Variants in E4F1 observed in about 807,000 individuals in gnomAD.
E4F1 encodes the protein E4F transcription factor 1, also known as transcription factor E4F1.
E4F1 carries 30 observed loss-of-function variants against 72.9 expected under a neutral mutation model. The observed-to-expected ratio is 0.41, with a 90% CI of 0.31 to 0.56. E4F1 has a LOEUF of 0.56. Among genes scored for constraint, E4F1 ranks in the 20% least tolerant of loss-of-function variants. The probability of loss-of-function intolerance (pLI) is 0.25; values close to 1 mark genes in which losing one functional copy is unlikely to be tolerated. For synonymous variants in E4F1, 542 were observed against 478.2 expected (o/e 1.13, Z -1.74); for missense variants, 1,091 against 1,117.5 (o/e 0.98, Z 0.34).
intron 1 of E4F1, 119 bp from the exon 2 acceptor site, chr16:2,228,253 G>C: frequency 7.4e-6 from 10 of 1,346,688 alleles, no homozygotes; most frequent in Non-Finnish European, 1.0e-5. Context: ...TGGGGAAGTA[G>C]CTCTGCTTCT....
At chr16:2,235,040 G>A in intron 12 of E4F1, 39 bp downstream of exon 12, 1 of 1,611,782 alleles carries the variant, frequency 6.2e-7, no homozygotes, top group Non-Finnish European at 8.5e-7. Flanking sequence ...GGACCCAGGG[G>A]CAGCCAAGGC....
chr16:2,235,266 C>A lies in E4F1; in HGVS notation c.2049C>A (p.Ser683Arg), dbSNP rs376804356. Reference sequence around the variant, plus strand: ...TGCAGCAGATCGTGCACCAGGCTAGCGCCGGCCACCAGATCATCGTGCAGA... The same window carrying A: ...TGCAGCAGATCGTGCACCAGGCTAGAGCCGGCCACCAGATCATCGTGCAGA... Reference protein sequence around the residue: ...KVVQQIVHQASAGHQIIVQNV... With the variant: ...KVVQQIVHQARAGHQIIVQNV... Residue 683 changes from serine (S) to arginine (R), a missense_variant, in exon 14 of 14, where the codon AGC (serine) becomes AGA (arginine). Ser to Arg is a moderately radical substitution (Grantham distance 110, BLOSUM62 -1). Around this residue, in one of 5 missense-constraint regions of E4F1, gnomAD observed 622 missense variants for 628.0 expected, o/e 0.99. Coordinates refer to ENST00000301727, the MANE Select transcript of E4F1 (RefSeq NM_004424.5). The A allele has an allele frequency of 3.1e-6, 5 of 1,610,974 alleles. No homozygotes were observed. The African/African-American group carries it at 6.7e-5, about 21-fold the overall frequency.
In E4F1 at chr16:2,234,326, C is replaced by T. The variant is rs144836270; in HGVS notation, c.1531C>T (p.Arg511Cys). ...CATTGCCCATGTGCGTGGCCACCGG[C>T]GCGTCCACTCAGACGAGCGGCCCTA... Reference protein sequence around the residue: ...KTIAHVRGHRRVHSDERPYPC... With the variant: ...KTIAHVRGHRCVHSDERPYPC... Residue 511 changes from arginine to cysteine, a missense_variant, in exon 10 of 14, where the codon CGC becomes TGC. Arg to Cys is a radical substitution (Grantham distance 180). This residue lies in a region of E4F1 where 622 missense variants were observed against 628.0 expected (regional missense o/e 0.99). Transcript: ENST00000301727. The T allele has an allele frequency of 1.2e-6, 2 of 1,612,876 alleles. No homozygotes were observed. The highest frequency in any genetic ancestry group is 1.7e-5 in the Admixed American group (1 of 60,014).
At chr16:2,228,785 C>T (rs983215504) in intron 2 of E4F1, among the ~76,000 whole-genome samples, 1 of 152,218 alleles carries the variant, frequency 6.6e-6, no homozygotes, top group Non-Finnish European at 1.5e-5. Context: ...TCTCTTCTTT[C>T]TTGGAGCTGG....
intron 3 of E4F1, 65 bp from the exon 4 acceptor site, chr16:2,232,106 C>T: frequency 1.9e-6 from 3 of 1,585,814 alleles, no homozygotes; most frequent in Non-Finnish European, 1.7e-6. Flanking sequence ...CCCCTGGAGC[C>T]AGCAGTCTCT....
At chr16:2,233,836 G>A in intron 8 of E4F1, 46 bp from the exon 9 acceptor site, 1 of 1,517,962 alleles carries the variant, frequency 6.6e-7, no homozygotes, top group Non-Finnish European at 8.9e-7. Flanking sequence ...GTACTGCCAG[G>A]GCACAGCCTG....
rs1209592563 is a variant in E4F1 at position 2,235,514 on chromosome 16, G to A, written c.2297G>A (p.Gly766Asp). Residue 766 changes from glycine to aspartate, a missense_variant, in exon 14 of 14, where the codon GGC becomes GAC. Gly to Asp is a moderately conservative substitution (Grantham distance 94). This residue lies in a region of E4F1 where 622 missense variants were observed against 628.0 expected (regional missense o/e 0.99). Transcript: ENST00000301727. ...SEDIEILEHAGELVIASPEGQ... is the reference protein window; with the variant it reads ...SEDIEILEHADELVIASPEGQ... ...GACATCGAGATCCTGGAGCATGCAG[G>A]CGAGCTGGTCATCGCCTCGCCGGAG... 1 of 1,608,100 alleles carries A rather than the reference G, an allele frequency of 6.2e-7. No individual in the cohort carries two copies. The highest frequency in any genetic ancestry group is 8.5e-7 in the Non-Finnish European group (1 of 1,176,474).
At chr16:2,232,659 T>G in intron 5 of E4F1, 83 bp downstream of exon 5, 1 of 1,605,236 alleles carries the variant, frequency 6.2e-7, no homozygotes, top group Admixed American at 1.7e-5. Flanking sequence ...ATTCCCCAGC[T>G]TTGGGGGATG....
chr16:2,228,468 C>A lies in E4F1; in HGVS notation c.254C>A (p.Ala85Asp). The change falls in exon 2 of 14, where the codon GCC becomes GAC. Residue 85 changes from alanine to aspartate, a missense_variant. Physicochemically the swap from Ala to Asp is moderately radical, Grantham distance 126 (BLOSUM62 -2). Coordinates refer to ENST00000301727, the MANE Select transcript of E4F1 (RefSeq NM_004424.5). ...AAGATTCAGAAGGCCTGCCAGCGGG[C>A]CCCTCCGGAGGCCCTGCCTGCCACC... ...QHKIQKACQR[A>D]PPEALPATPA... 6.2e-7 allele frequency: 1 copy of A among 1,613,164 alleles called. No homozygotes were observed. The highest frequency in any genetic ancestry group is 8.5e-7 in the Non-Finnish European group (1 of 1,179,976).
chr16:2,233,318 A>C (rs534827168), intron 7 of E4F1, 120 bp from the exon 8 acceptor site: 1 of 1,431,238 alleles, frequency 7.0e-7, no homozygotes. Context: ...GAGCAGGGCC[A>C]GTGGGAGCGC....
At position 2,234,152 on chromosome 16, in the gene E4F1, A is replaced by G. The variant is rs746462506; in HGVS notation, c.1376-19A>G. 6.2e-7 allele frequency: 1 copy of G among 1,609,630 alleles called. No homozygotes were observed. Among genetic ancestry groups the G allele is most frequent in the Non-Finnish European group, 8.5e-7 (1 of 1,178,942 alleles). On this transcript the variant is annotated intron_variant, in intron 9 of 13. Coordinates refer to ENST00000301727, the MANE Select transcript of E4F1 (RefSeq NM_004424.5). The stretch of plus-strand genomic sequence containing the variant: ...GCCCGCGGGTGATGGGCTTGGCCTG[A>G]TGCTGTGTGTGGCTGCAGGGCCGAG...
chr16:2,233,117 C>G lies in E4F1; in HGVS notation c.990C>G (p.Thr330=). The change falls in exon 7 of 14, where the codon ACC becomes ACG. Residue 330 remains threonine, a synonymous_variant. Transcript: ENST00000301727. Reference sequence around the variant, plus strand: ...ACCTGGTGACAGATGCCAAGGGCACCGTCATCCACGAAGTCCACGTCCAGA... The same window carrying G: ...ACCTGGTGACAGATGCCAAGGGCACGGTCATCCACGAAGTCCACGTCCAGA... ...VIHLVTDAKG[T]VIHEVHVQMQ... The G allele has an allele frequency of 6.2e-7, 1 of 1,612,398 alleles. No homozygotes were observed. The highest frequency in any genetic ancestry group is 8.5e-7 in the Non-Finnish European group (1 of 1,179,368).
At chr16:2,228,771 G>A (rs140659034) in intron 2 of E4F1, among the ~76,000 whole-genome samples, 129 of 152,318 alleles carry the variant, frequency 8.5e-4, no homozygotes, top group Middle Eastern at 3.4e-3. Context: ...GTTGGGGGCC[G>A]GGATCTCTTC....
intron 2 of E4F1, among the ~76,000 whole-genome samples, chr16:2,229,105 G>A (rs753622918): frequency 1.5e-4 from 23 of 152,234 alleles, no homozygotes; most frequent in Non-Finnish European, 2.9e-4. Context: ...GCTGGACCCT[G>A]GACACCCCAC....
rs1328497872 is a variant in E4F1 at position 2,223,766 on chromosome 16, G to C, written c.153G>C (p.Glu51Asp). The change falls in exon 1 of 14, where the codon GAG (glutamate) becomes GAC (aspartate). Residue 51 changes from glutamate (E) to aspartate (D), a missense_variant. Glu to Asp is a conservative substitution (Grantham distance 45, BLOSUM62 2). This residue lies in a region of E4F1 where 362 missense variants were observed against 358.6 expected (regional missense o/e 1.01). Coordinates refer to ENST00000301727, the MANE Select transcript of E4F1 (RefSeq NM_004424.5). ...GFLGLPAPFS[E>D]EDEDDVHRCG... ...TCGGCCTCCCGGCGCCCTTCAGCGA[G>C]GAAGGTAACCGGGCCGACCCGGAGG... 5.3e-5 allele frequency: 82 copies of C among 1,536,148 alleles called. No individual in the cohort carries two copies. Among genetic ancestry groups the C allele is most frequent in the Non-Finnish European group, 7.0e-5 (81 of 1,152,122 alleles).
rs200137506 is a variant in E4F1 at position 2,235,368 on chromosome 16, G to C, written c.2151G>C (p.Glu717Asp). The change falls in exon 14 of 14, where the codon GAG becomes GAC. Residue 717 changes from glutamate to aspartate, a missense_variant. Physicochemically the swap from Glu to Asp is conservative, Grantham distance 45. Coordinates refer to ENST00000301727, the MANE Select transcript of E4F1 (RefSeq NM_004424.5). ...AADTITIATP[E>D]SLTEQVAMTL... is the part of the protein sequence containing the mutation. ...ACACCATCACCATCGCCACCCCCGAGAGCCTGACAGAGCAGGTGGCCATGA... is the reference window on the plus strand; with the variant it reads ...ACACCATCACCATCGCCACCCCCGACAGCCTGACAGAGCAGGTGGCCATGA... 1 of 1,610,180 alleles carries C rather than the reference G, an allele frequency of 6.2e-7. No homozygotes were observed. The highest frequency in any genetic ancestry group is 1.1e-5 in the South Asian group (1 of 91,080).
intron 13 of E4F1, 34 bp downstream of exon 13, chr16:2,235,177 C>A: frequency 6.2e-7 from 1 of 1,610,646 alleles, no homozygotes; most frequent in South Asian, 1.1e-5. Context: ...CGGGGAGGCT[C>A]CCTGGCACAG....
At position 2,232,927 on chromosome 16, in the gene E4F1, G is replaced by GCTGC; in HGVS notation, c.883+23_883+26dup. 6.2e-7 allele frequency: 1 copy of GCTGC among 1,613,134 alleles called. No individual in the cohort carries two copies. Among genetic ancestry groups the GCTGC allele is most frequent in the Non-Finnish European group, 8.5e-7 (1 of 1,179,948 alleles). ...CGTGCAGGTCAGCATGGTGCGGGCA[G>GCTGC]CTGCCTGGTCCTGGGGGCTGGCTGT... On this transcript the variant is annotated intron_variant, in intron 6 of 13. Transcript: ENST00000301727.
At position 2,228,484 on chromosome 16, in the gene E4F1, GCCTGCCACC is replaced by G. The variant is rs771120204; in HGVS notation, c.280_288del (p.Pro94_Thr96del). On this transcript the variant is annotated inframe_deletion, in exon 2 of 14. Coordinates refer to ENST00000301727, the MANE Select transcript of E4F1 (RefSeq NM_004424.5). Reference sequence around the variant, plus strand: ...GCCAGCGGGCCCCTCCGGAGGCCCTGCCTGCCACCCCTGCCACCACAGCGTTGCTGGGCC... The same window carrying G: ...GCCAGCGGGCCCCTCCGGAGGCCCTGCCTGCCACCACAGCGTTGCTGGGCC... 3.8e-5 allele frequency: 62 copies of G among 1,612,800 alleles called. No individual in the cohort carries two copies. The highest frequency in any genetic ancestry group is 4.8e-5 in the Non-Finnish European group (57 of 1,179,918).
Sources: allele counts gnomAD v4.1 joint callset (sites outside exome capture counted in the v4.1 genomes callset), GRCh38; gene constraint gnomAD v4.1.1; regional missense constraint gnomAD v4.1.1; transcripts MANE v1.5; gene names NCBI Gene and HGNC (gene_info 2026-07-23, HGNC 2026-07-21).